TDRP: variants seen among roughly 807,000 people sequenced by gnomAD.
TDRP encodes the protein testis development-related protein.
A neutral mutation model predicts 10.5 loss-of-function variants in TDRP; 12 were observed. That is an observed-to-expected ratio of 1.15 (90% CI 0.73 to 1.86). TDRP has a LOEUF of 1.86. Among genes scored for constraint, TDRP ranks in the 40% most tolerant of loss-of-function variants. The pLI is 0.00. For synonymous variants in TDRP, 139 were observed against 95.4 expected, an observed-to-expected ratio of 1.46 and a Z score of -2.67; for missense variants, 353 against 229.2, an observed-to-expected ratio of 1.54 and a Z score of -3.49.
intron 1 of TDRP, among the ~76,000 whole-genome samples, chr8:532,116 C>G (rs1802217317): frequency 6.6e-6 from 1 of 152,320 alleles, no homozygotes. Flanking sequence ...TCTGCCACCT[C>G]TGGACACTGC....
At chr8:500,929 G>T (rs142367963) in intron 1 of TDRP, among the ~76,000 whole-genome samples, 12 of 152,228 alleles carry the variant, frequency 7.9e-5, no homozygotes, top group African/African-American at 2.9e-4. Context: ...TGAGCAGGCC[G>T]GGCGCGGTGT....
chr8:527,920 A>G (rs1393577766), intron 1 of TDRP, among the ~76,000 whole-genome samples: 1 of 152,188 alleles, frequency 6.6e-6, no homozygotes, highest in Non-Finnish European at 1.5e-5. Flanking sequence ...GGATCACATC[A>G]AATTAGAAAG....
At chr8:533,185 T>C (rs957845345) in intron 1 of TDRP, among the ~76,000 whole-genome samples, 2 of 152,166 alleles carry the variant, frequency 1.3e-5, no homozygotes, top group Non-Finnish European at 2.9e-5. Context: ...CAGGTTCTTG[T>C]ACATTTTTGA....
chr8:509,713 A>C (rs1579917), intron 1 of TDRP, among the ~76,000 whole-genome samples: 4 of 151,950 alleles, frequency 2.6e-5, no homozygotes, highest in African/African-American at 7.2e-5. Flanking sequence ...TATTGTCTTG[A>C]TGATTAACAT....
At chr8:524,966 T>A (rs1801999953) in intron 1 of TDRP, among the ~76,000 whole-genome samples, 1 of 152,082 alleles carries the variant, frequency 6.6e-6, no homozygotes, top group Non-Finnish European at 1.5e-5. Flanking sequence ...ACAAGAAGAT[T>A]ATAGAACACC....
At chr8:517,822 A>G (rs1009164839) in intron 1 of TDRP, among the ~76,000 whole-genome samples, 1 of 152,226 alleles carries the variant, frequency 6.6e-6, no homozygotes, top group Non-Finnish European at 1.5e-5. Flanking sequence ...TTTTCTGCCA[A>G]CAAATACATC....
intron 1 of TDRP, among the ~76,000 whole-genome samples, chr8:542,024 C>G (rs1018446324): frequency 2.0e-5 from 3 of 152,050 alleles, no homozygotes; most frequent in Admixed American, 2.0e-4. Flanking sequence ...AACATGCCCT[C>G]CAGAGGGTGA....
At chr8:498,793 C>G (rs1414320890) in intron 1 of TDRP, among the ~76,000 whole-genome samples, 1 of 152,168 alleles carries the variant, frequency 6.6e-6, no homozygotes, top group Non-Finnish European at 1.5e-5. Context: ...TGGGACGTGA[C>G]TGGATCATGG....
At chr8:532,863 T>G (rs954214882) in intron 1 of TDRP, among the ~76,000 whole-genome samples, 2 of 149,496 alleles carry the variant, frequency 1.3e-5, no homozygotes, top group Non-Finnish European at 3.0e-5. Flanking sequence ...ACAAGTTGCC[T>G]ACGGCTGCTT....
rs2116701437 is a variant in TDRP at position 491,869 on chromosome 8, A to T, written c.*530T>A. 1 of 1,196,964 alleles carries T rather than the reference A, an allele frequency of 8.4e-7. No individual in the cohort carries two copies. Among genetic ancestry groups the T allele is most frequent in the African/African-American group, 1.6e-5 (1 of 63,750 alleles). 74.1% of individuals were successfully genotyped at this position (1,196,964 alleles called of 1,614,324 possible). The stretch of plus-strand genomic sequence containing the variant: ...TCCCAAATATAAGCTTTGCTTTTCC[A>T]GTATTTGTTTACGTATTTGTTTAAT... On this transcript the variant is annotated 3_prime_UTR_variant, in exon 3 of 3. Transcript: ENST00000324079.
intron 1 of TDRP, among the ~76,000 whole-genome samples, chr8:527,807 C>A (rs1452549414): frequency 6.6e-6 from 1 of 152,240 alleles, no homozygotes; most frequent in East Asian, 1.9e-4. Flanking sequence ...CACTACGAAA[C>A]TACTAAAAGA....
chr8:528,831 A>G (rs1175359463), intron 1 of TDRP, among the ~76,000 whole-genome samples: 3 of 150,430 alleles, frequency 2.0e-5, no homozygotes, highest in Non-Finnish European at 4.4e-5. Context: ...ATGTGTGTAT[A>G]TATGTGTGTG....
At position 519,929 on chromosome 8, in the gene TDRP, T is replaced by A. The variant is rs560261619; in HGVS notation, c.108+24721A>T. Among the ~76,000 whole-genome samples, 4 of 152,298 alleles carry A rather than the reference T, an allele frequency of 2.6e-5. No individual in the cohort carries two copies. The East Asian group carries it at 5.8e-4, about 22-fold the overall frequency. On this transcript the variant is annotated intron_variant, in intron 1 of 2. Transcript: ENST00000324079. ...GGCCCCTGAAGCTTCTAAGGAAATA[T>A]ATGACCAGATAAGTGGGCAATTTAT... is the stretch of plus-strand genomic sequence containing the variant.
At chr8:517,743 G>C (rs1801795355) in intron 1 of TDRP, among the ~76,000 whole-genome samples, 1 of 152,194 alleles carries the variant, frequency 6.6e-6, no homozygotes, top group Non-Finnish European at 1.5e-5. Context: ...AAGATCACCT[G>C]AGGCTATACA....
At chr8:513,603 G>T (rs1801675039) in intron 1 of TDRP, among the ~76,000 whole-genome samples, 1 of 152,170 alleles carries the variant, frequency 6.6e-6, no homozygotes, top group Non-Finnish European at 1.5e-5. Context: ...AACAAGACAA[G>T]GAAGCCTATT....
Position 521,208 on chromosome 8 carries a change from C to T in TDRP, c.108+23442G>A, listed in dbSNP as rs1413345861. Among the ~76,000 whole-genome samples the T allele has an allele frequency of 5.8e-5, 8 of 137,614 alleles. No homozygotes were observed. The East Asian group carries it at 1.6e-3, about 28-fold the overall frequency. 90.3% of individuals were successfully genotyped at this position (137,614 alleles called of 152,430 possible). On this transcript the variant is annotated intron_variant, in intron 1 of 2. Coordinates refer to ENST00000324079, the MANE Select transcript of TDRP (RefSeq NM_001384899.1). ...ATGAGGTCAGGAGATAGAGATCATC[C>T]TGGCTAACACGGTCAAACCCCGTCT...
At chr8:525,190 C>T (rs921348969) in intron 1 of TDRP, among the ~76,000 whole-genome samples, 2 of 152,106 alleles carry the variant, frequency 1.3e-5, no homozygotes, top group African/African-American at 2.4e-5. Flanking sequence ...GAAGGAAAAA[C>T]ATTTTTACCC....
chr8:514,988 C>G (rs772633792), intron 1 of TDRP, among the ~76,000 whole-genome samples: 6 of 152,180 alleles, frequency 3.9e-5, no homozygotes, highest in Admixed American at 2.6e-4. Flanking sequence ...TCATACAATT[C>G]AGACTTTATT....
At chr8:541,388 T>A (rs1376597580) in intron 1 of TDRP, among the ~76,000 whole-genome samples, 3 of 152,116 alleles carry the variant, frequency 2.0e-5, no homozygotes, top group Non-Finnish European at 4.4e-5. Flanking sequence ...CAAAGGCACA[T>A]CCATCAAAGA....
Sources: allele counts gnomAD v4.1 joint callset (sites outside exome capture counted in the v4.1 genomes callset), GRCh38; gene constraint gnomAD v4.1.1; transcripts MANE v1.5; gene names NCBI Gene and HGNC (gene_info 2026-07-23, HGNC 2026-07-21).